WFS1: variants seen among roughly 807,000 people sequenced by gnomAD.
The protein encoded by WFS1 is wolframin ER transmembrane glycoprotein.
WFS1 carries 90 observed loss-of-function variants against 68.5 expected under a neutral mutation model. That is an observed-to-expected ratio of 1.31 (90% CI 1.11 to 1.56). The LOEUF (loss-of-function observed/expected upper bound fraction) is 1.56. WFS1 is among the 40% of genes most tolerant of loss of function. The probability of loss-of-function intolerance (pLI) is 0.00; values close to 1 mark genes in which losing one functional copy is unlikely to be tolerated. For synonymous variants in WFS1, 860 were observed against 540.7 expected, an observed-to-expected ratio of 1.59 and a Z score of -8.19; for missense variants, 1,767 against 1,232.6, an observed-to-expected ratio of 1.43 and a Z score of -6.49.
rs750108272 is a variant in WFS1 at position 6,301,572 on chromosome 4, G to A, written c.1777G>A (p.Glu593Lys). The change falls in exon 8 of 8, where the codon GAG becomes AAG. Residue 593 changes from glutamate (E) to lysine (K), a missense_variant. Physicochemically the swap from Glu to Lys is moderately conservative, Grantham distance 56. Coordinates refer to ENST00000226760, the MANE Select transcript of WFS1 (RefSeq NM_006005.3). ...GTTCGCCCGGTGGTTCACGTCTCTG[G>A]AGCTCACCAAGATCGCAGTCACCGT... ...LQFARWFTSL[E>K]LTKIAVTVAV... is the part of the protein sequence containing the mutation. 15 of 1,614,162 alleles carry A rather than the reference G, an allele frequency of 9.3e-6. No individual in the cohort carries two copies. The highest frequency in any genetic ancestry group is 1.2e-5 in the Non-Finnish European group (14 of 1,180,038).
At chr4:6,286,179 GA>G (rs1257029054) in intron 2 of WFS1, among the ~76,000 whole-genome samples, 1 of 152,216 alleles carries the variant, frequency 6.6e-6, no homozygotes, top group Non-Finnish European at 1.5e-5. Context: ...TGGGAAGCCA[GA>G]GAACAATCCA....
chr4:6,279,088 G>A (rs1434001958), intron 2 of WFS1, among the ~76,000 whole-genome samples: 2 of 152,212 alleles, frequency 1.3e-5, no homozygotes, highest in Non-Finnish European at 2.9e-5. Flanking sequence ...GGGGCAGTGG[G>A]CATCCCGTCT....
In WFS1 at chr4:6,297,544, G is replaced by A. The variant is rs149547375; in HGVS notation, c.861+2355G>A. Among the ~76,000 whole-genome samples the A allele has an allele frequency of 7.2e-5, 11 of 152,236 alleles. No homozygotes were observed. The East Asian group carries it at 1.7e-3, about 24-fold the overall frequency. On this transcript the variant is annotated intron_variant, in intron 7 of 7. Transcript: ENST00000226760. ...ATTACATAATTGGAAGATCCGACAC[G>A]GGAACATTTTTGCCCACAGGTTTGA...
intron 1 of WFS1, among the ~76,000 whole-genome samples, chr4:6,271,219 C>T (rs1218324220): frequency 1.3e-5 from 2 of 152,244 alleles, no homozygotes; most frequent in Non-Finnish European, 2.9e-5. Context: ...TCCGTTGTAT[C>T]CAACCAGGGA....
In WFS1 at chr4:6,302,355, C is replaced by T. The variant is rs771391168; in HGVS notation, c.2560C>T (p.Leu854Phe). 32 of 1,613,010 alleles carry T rather than the reference C, an allele frequency of 2.0e-5. No individual in the cohort carries two copies. The highest frequency in any genetic ancestry group is 1.2e-5 in the Non-Finnish European group (14 of 1,180,004). The change falls in exon 8 of 8, where the codon CTC becomes TTC. Residue 854 changes from leucine to phenylalanine, a missense_variant. Transcript: ENST00000226760. ...CAGCTGCCTCAACTGCATGGCCCAG[C>T]TCTCACCCACCAGGCGGCACGTGAA... ...AISCLNCMAQ[L>F]SPTRRHVKIE...
In WFS1 at chr4:6,301,567, C is replaced by T. The variant is rs753516932; in HGVS notation, c.1772C>T (p.Ser591Phe). The T allele has an allele frequency of 1.9e-6, 3 of 1,614,168 alleles. No individual in the cohort carries two copies. The highest frequency in any genetic ancestry group is 2.2e-5 in the South Asian group (2 of 91,088). Residue 591 changes from serine (S) to phenylalanine (F), a missense_variant, in exon 8 of 8, where the codon TCT (serine) becomes TTT (phenylalanine). By Grantham distance (155) the Ser-to-Phe change is radical. Transcript: ENST00000226760. ...CTGCAGTTCGCCCGGTGGTTCACGTCTCTGGAGCTCACCAAGATCGCAGTC... is the reference window on the plus strand; with the variant it reads ...CTGCAGTTCGCCCGGTGGTTCACGTTTCTGGAGCTCACCAAGATCGCAGTC... Reference protein sequence around the residue: ...GVLQFARWFTSLELTKIAVTV... With the variant: ...GVLQFARWFTFLELTKIAVTV...
At chr4:6,291,519 G>A in intron 5 of WFS1, 152 bp downstream of exon 5, 1 of 1,092,394 alleles carries the variant, frequency 9.2e-7, no homozygotes, top group South Asian at 1.4e-5. Flanking sequence ...GCCCTTCCTT[G>A]TGGGGACCAG....
chr4:6,274,207 T>C (rs891419204), intron 1 of WFS1, among the ~76,000 whole-genome samples: 8 of 152,042 alleles, frequency 5.3e-5, no homozygotes, highest in Admixed American at 1.3e-4. Context: ...CCACCACGCC[T>C]GGCTAATTTT....
intron 7 of WFS1, 42 bp downstream of exon 7, chr4:6,295,231 A>G: frequency 6.2e-7 from 1 of 1,608,378 alleles, no homozygotes; most frequent in Non-Finnish European, 8.5e-7. Flanking sequence ...CCTGCCTCCC[A>G]AGGACTCGCG....
At chr4:6,280,024 C>T (rs962116553) in intron 2 of WFS1, among the ~76,000 whole-genome samples, 1 of 152,174 alleles carries the variant, frequency 6.6e-6, no homozygotes, top group East Asian at 1.9e-4. Context: ...TGGGGAACCA[C>T]TGCCAACGGG....
chr4:6,290,130 G>C (rs1730421265), intron 4 of WFS1, among the ~76,000 whole-genome samples: 1 of 152,188 alleles, frequency 6.6e-6, no homozygotes, highest in African/African-American at 2.4e-5. Flanking sequence ...GCAGAGACAG[G>C]GTTTCATCAG....
Position 6,289,028 on chromosome 4 carries a change from A to G in WFS1, c.357A>G (p.Glu119=). 3.7e-6 allele frequency: 6 copies of G among 1,607,466 alleles called. No homozygotes were observed. The highest frequency in any genetic ancestry group is 5.1e-6 in the Non-Finnish European group (6 of 1,177,408). ...TGCAGTTGGCCGGCGACACGGATGA[A>G]GAACTCAACAGCTGCACCGCTGTGG... The part of the protein sequence containing the change: ...HYLQLAGDTD[E]ELNSCTAVDW... Residue 119 remains glutamate, a synonymous_variant, in exon 4 of 8, where the codon GAA becomes GAG. Coordinates refer to ENST00000226760, the MANE Select transcript of WFS1 (RefSeq NM_006005.3).
In WFS1 at chr4:6,287,843, A is replaced by G. The variant is rs1314804163; in HGVS notation, c.315+668A>G. Among the ~76,000 whole-genome samples the G allele has an allele frequency of 6.6e-6, 1 of 152,180 alleles. No homozygotes were observed. The highest frequency in any genetic ancestry group is 6.5e-5 in the Admixed American group (1 of 15,282). On this transcript the variant is annotated intron_variant, in intron 3 of 7. Transcript: ENST00000226760. The surrounding 1 kb of genome is among the most constrained non-coding windows in gnomAD (Gnocchi z 6.4). ...TGTCCCCTTGCACAGGGCTCAAGCA[A>G]GTGACCACAGTTATCCTGAGCAGTT...
At position 6,301,983 on chromosome 4, in the gene WFS1, T is replaced by C; in HGVS notation, c.2188T>C (p.Trp730Arg). 2 of 1,612,774 alleles carry C rather than the reference T, an allele frequency of 1.2e-6. No homozygotes were observed. Among genetic ancestry groups the C allele is most frequent in the Middle Eastern group, 1.6e-4 (1 of 6,062 alleles). The change falls in exon 8 of 8, where the codon TGG becomes CGG. Residue 730 changes from tryptophan (W) to arginine (R), a missense_variant. Transcript: ENST00000226760. Reference sequence around the variant, plus strand: ...CATGCTCCCGTTCTTCATCGGCGACTGGATGCGCTGCCTCTACGGCGAGGC... The same window carrying C: ...CATGCTCCCGTTCTTCATCGGCGACCGGATGCGCTGCCTCTACGGCGAGGC... ...INMLPFFIGD[W>R]MRCLYGEAYP...
chr4:6,274,966 C>A (rs1269639549), intron 1 of WFS1, among the ~76,000 whole-genome samples: 3 of 152,210 alleles, frequency 2.0e-5, no homozygotes, highest in Non-Finnish European at 2.9e-5. Flanking sequence ...CCCCTCCCTG[C>A]ACCTGGGTTC....
In WFS1 at chr4:6,302,905, T is replaced by C. The variant is rs1013722196; in HGVS notation, c.*437T>C. On this transcript the variant is annotated 3_prime_UTR_variant, in exon 8 of 8. Transcript: ENST00000226760. Reference sequence around the variant, plus strand: ...TCCACAGTAGCATTTCTTATTTGTTTGGTCACTGCTACACCTTAGCAGCTC... The same window carrying C: ...TCCACAGTAGCATTTCTTATTTGTTCGGTCACTGCTACACCTTAGCAGCTC... 3 of 234,050 alleles carry C rather than the reference T, an allele frequency of 1.3e-5. No individual in the cohort carries two copies. Among genetic ancestry groups the C allele is most frequent in the Non-Finnish European group, 2.5e-5 (3 of 118,506 alleles). The allele number at this position is 234,050 out of a possible 1,614,324, so 14.5% of individuals were successfully genotyped here.
At chr4:6,273,713 C>G (rs1729902386) in intron 1 of WFS1, among the ~76,000 whole-genome samples, 1 of 152,230 alleles carries the variant, frequency 6.6e-6, no homozygotes, top group African/African-American at 2.4e-5. Flanking sequence ...GACAGCAGGT[C>G]CTTCCACCGG....
chr4:6,280,875 C>T (rs1730141752), intron 2 of WFS1, among the ~76,000 whole-genome samples: 1 of 151,310 alleles, frequency 6.6e-6, no homozygotes. Flanking sequence ...GATTCGGGAG[C>T]TTTCCGAGTC....
At chr4:6,292,504 A>C (rs531493994) in intron 6 of WFS1, among the ~76,000 whole-genome samples, 1 of 151,954 alleles carries the variant, frequency 6.6e-6, no homozygotes, top group Admixed American at 6.5e-5. Context: ...TGGGGGATAG[A>C]GTCTCTGGGG....
Sources: allele counts gnomAD v4.1 joint callset (sites outside exome capture counted in the v4.1 genomes callset), GRCh38; gene constraint gnomAD v4.1.1; non-coding constraint Gnocchi (gnomAD v3.1); transcripts MANE v1.5; gene names NCBI Gene and HGNC (gene_info 2026-07-23, HGNC 2026-07-21).